PLEKHA8: variants seen among roughly 807,000 people sequenced by gnomAD.
The protein encoded by PLEKHA8 is pleckstrin homology domain containing A8, also known as pleckstrin homology domain-containing family A member 8.
A neutral mutation model predicts 68.2 loss-of-function variants in PLEKHA8; 36 were observed. The ratio of observed to expected loss-of-function variants is 0.53; its 90% CI spans 0.40 to 0.70. The LOEUF (loss-of-function observed/expected upper bound fraction) is 0.70, where lower values mean the gene tolerates loss of function less well. Among genes scored for constraint, PLEKHA8 ranks in the 30% least tolerant of loss-of-function variants. The pLI, the probability that PLEKHA8 is intolerant of heterozygous loss-of-function variation, is 0.00. For synonymous variants in PLEKHA8, 211 were observed against 216.1 expected, an observed-to-expected ratio of 0.98 and a Z score of 0.20; for missense variants, 505 against 615.4, an observed-to-expected ratio of 0.82 and a Z score of 1.90.
At chr7:30,115,930 A>G (rs1338996196) in intron 13 of PLEKHA8, 1 of 149,612 alleles carries the variant, frequency 6.7e-6, no homozygotes, top group East Asian at 2.0e-4. Context: ...GTGTACATAC[A>G]TGTATACATG....
At position 30,083,339 on chromosome 7, in the gene PLEKHA8, A is replaced by C; in HGVS notation, c.*4552A>C. On this transcript the variant is annotated 3_prime_UTR_variant, in exon 14 of 14. Transcript: ENST00000449726. ...ATAGTCATTTCATAAAAAATAATTCACTAGCTGTCTAATGGTATTTTAAGA... is the reference window on the plus strand; with the variant it reads ...ATAGTCATTTCATAAAAAATAATTCCCTAGCTGTCTAATGGTATTTTAAGA... The C allele has an allele frequency of 1.0e-6, 1 of 985,100 alleles. No individual in the cohort carries two copies. Among genetic ancestry groups the C allele is most frequent in the Non-Finnish European group, 1.2e-6 (1 of 829,654 alleles). 61.0% of individuals were successfully genotyped at this position (985,100 alleles called of 1,614,324 possible).
At chr7:30,055,977 C>T (rs1792818401) in intron 9 of PLEKHA8, among the ~76,000 whole-genome samples, 1 of 143,096 alleles carries the variant, frequency 7.0e-6, no homozygotes, top group Non-Finnish European at 1.5e-5. Flanking sequence ...GAGTCTTGCT[C>T]TGTCACCCAG....
In PLEKHA8 at chr7:30,081,631, A is replaced by G. The variant is rs1794933945; in HGVS notation, c.*2844A>G. On this transcript the variant is annotated 3_prime_UTR_variant, in exon 14 of 14. Transcript: ENST00000449726. ...TGAGAGGAGGTGAGAAAACTCTAGT[A>G]TTTTGTTGGCAGAGTAATCACTTTG... 1.0e-6 allele frequency: 1 copy of G among 985,216 alleles called. No homozygotes were observed. The highest frequency in any genetic ancestry group is 6.2e-5 in the Admixed American group (1 of 16,260). The allele number at this position is 985,216 out of a possible 1,614,324, so 61.0% of individuals were successfully genotyped here.
intron 13 of PLEKHA8, among the ~76,000 whole-genome samples, chr7:30,128,274 T>C (rs1237626987): frequency 1.3e-5 from 2 of 152,040 alleles, no homozygotes; most frequent in Non-Finnish European, 2.9e-5. Flanking sequence ...GCCCAGCTAA[T>C]TTTTTATTTT....
chr7:30,045,348 C>G, intron 2 of PLEKHA8, 147 bp downstream of exon 2: 1 of 577,938 alleles, frequency 1.7e-6, no homozygotes. Context: ...GAAAGCCTTG[C>G]AAATACAACC....
At chr7:30,106,271 C>T (rs1796052406) in intron 13 of PLEKHA8, among the ~76,000 whole-genome samples, 1 of 152,038 alleles carries the variant, frequency 6.6e-6, no homozygotes, top group Non-Finnish European at 1.5e-5. Flanking sequence ...CCATGTTGGC[C>T]AGACTGGTCT....
At chr7:30,075,900 A>G (rs2127997465) in intron 13 of PLEKHA8, among the ~76,000 whole-genome samples, 1 of 152,290 alleles carries the variant, frequency 6.6e-6, no homozygotes, top group Admixed American at 6.5e-5. Flanking sequence ...TTTTAACTTT[A>G]TTATACTAAT....
rs1409386261 is a variant in PLEKHA8 at position 30,090,414 on chromosome 7, A to G, written c.*239A>G. 6.3e-6 allele frequency: 3 copies of G among 473,840 alleles called. No individual in the cohort carries two copies. In the East Asian group the frequency reaches 1.0e-4, roughly 16 times the overall value. The allele number at this position is 473,840 out of a possible 1,614,324, so 29.4% of individuals were successfully genotyped here. On this transcript the variant is annotated 3_prime_UTR_variant, in exon 13 of 13. Coordinates refer to the PLEKHA8 transcript ENST00000258679. ...GTCAAGTTCTCTTAAGCAGGTAAGA[A>G]CTCAGAACATAATACCTGAGTGCCT...
At chr7:30,059,140 C>T (rs1458791767) in intron 9 of PLEKHA8, among the ~76,000 whole-genome samples, 6 of 152,204 alleles carry the variant, frequency 3.9e-5, no homozygotes, top group Non-Finnish European at 8.8e-5. Flanking sequence ...AGCATTGAGT[C>T]TTCCAATCCA....
intron 12 of PLEKHA8, among the ~76,000 whole-genome samples, chr7:30,063,850 C>T (rs1240623253): frequency 1.3e-5 from 2 of 152,132 alleles, no homozygotes; most frequent in Non-Finnish European, 2.9e-5. Flanking sequence ...CTTTGAGGCC[C>T]CTGCTTTGAA....
At position 30,074,107 on chromosome 7, in the gene PLEKHA8, G is replaced by T. The variant is rs766028959; in HGVS notation, c.1337G>T (p.Gly446Val). The T allele has an allele frequency of 4.3e-6, 7 of 1,613,094 alleles. No individual in the cohort carries two copies. In the South Asian group the frequency reaches 7.7e-5, roughly 18 times the overall value. ...GGTAAAACATTGCGGCAACACCATG[G>T]CTGGGTAGTTCGAGGGGTTTTTGCG... ...AYGKTLRQHH[G>V]WVVRGVFALA... The change falls in exon 13 of 14, where the codon GGC (glycine) becomes GTC (valine). Residue 446 changes from glycine (G) to valine (V), a missense_variant. Coordinates refer to ENST00000449726, the MANE Select transcript of PLEKHA8 (RefSeq NM_001197026.2).
chr7:30,061,441 A>G (rs1472526902), intron 10 of PLEKHA8, among the ~76,000 whole-genome samples: 1 of 152,174 alleles, frequency 6.6e-6, no homozygotes, highest in Admixed American at 6.5e-5. Flanking sequence ...TGCAGATTAA[A>G]TGTTACCTTC....
chr7:30,062,109 C>G (rs1376626802), intron 11 of PLEKHA8, 82 bp downstream of exon 11: 2 of 1,477,350 alleles, frequency 1.4e-6, no homozygotes, highest in African/African-American at 1.4e-5. Context: ...ACAAAGGAGA[C>G]TACTTCTGAG....
Position 30,129,205 on chromosome 7 carries a change from T to TAAA in PLEKHA8, c.1363-59_1363-57dup. The TAAA allele has an allele frequency of 1.9e-6, 3 of 1,612,186 alleles. No homozygotes were observed. The South Asian group carries it at 3.3e-5, about 18-fold the overall frequency. On this transcript the variant is annotated intron_variant, in intron 13 of 13. Coordinates refer to the PLEKHA8 transcript ENST00000396257. ...GTAACAGGAAGTTGCTGGTTGGGAC[T>TAAA]AAAAGAGTAATGACAGTTGGCCTGT...
At chr7:30,036,178 C>A (rs761692743) in intron 1 of PLEKHA8, among the ~76,000 whole-genome samples, 8 of 149,504 alleles carry the variant, frequency 5.4e-5, no homozygotes, top group Non-Finnish European at 8.9e-5. Flanking sequence ...GTCGTTTGAA[C>A]CCAGAAGGTG....
intron 9 of PLEKHA8, among the ~76,000 whole-genome samples, chr7:30,056,652 C>G (rs892422462): frequency 4.3e-5 from 6 of 140,860 alleles, no homozygotes; most frequent in Admixed American, 2.2e-4. Context: ...TTGCTTGAAC[C>G]TGGGAGACGG....
intron 6 of PLEKHA8, among the ~76,000 whole-genome samples, chr7:30,051,872 C>T (rs1792436219): frequency 6.6e-6 from 1 of 152,140 alleles, no homozygotes; most frequent in Non-Finnish European, 1.5e-5. Context: ...ACTCAGGAGG[C>T]TGAGGCAGGA....
chr7:30,109,587 A>C (rs1796195104), intron 13 of PLEKHA8, among the ~76,000 whole-genome samples: 1 of 37,336 alleles, frequency 2.7e-5, no homozygotes, highest in Admixed American at 3.7e-4. Flanking sequence ...ACTCTGTCTC[A>C]AAAAAAAAAA....
chr7:30,056,839 T>TAC (rs1296835796), intron 9 of PLEKHA8, among the ~76,000 whole-genome samples: 2 of 146,130 alleles, frequency 1.4e-5, no homozygotes, highest in African/African-American at 5.0e-5. Context: ...GTTATATATA[T>TAC]ATTTAATAGA....
Sources: gnomAD v4.1 joint callset for allele counts (sites outside exome capture counted in the v4.1 genomes callset) on GRCh38, gnomAD v4.1.1 for gene constraint, MANE v1.5 for transcripts, NCBI Gene and HGNC (gene_info 2026-07-23, HGNC 2026-07-21) for gene names.